Variants in USP10 observed in about 807,000 individuals in gnomAD.
The protein encoded by USP10 is ubiquitin specific peptidase 10, also known as ubiquitin carboxyl-terminal hydrolase 10.
Under a neutral mutation model 84.5 loss-of-function variants are expected in USP10, and 22 were observed. The ratio of observed to expected loss-of-function variants is 0.26; its 90% CI spans 0.19 to 0.37. The LOEUF (loss-of-function observed/expected upper bound fraction) is 0.37, where lower values mean the gene tolerates loss of function less well. Ranked by LOEUF, USP10 falls within the 10% of genes least tolerant of loss-of-function variation. USP10 has a pLI of 1.00. For synonymous variants in USP10, 454 were observed against 387.6 expected (o/e 1.17, Z -2.01); for missense variants, 1,019 against 998.9 (o/e 1.02, Z -0.27).
chr16:84,778,903 C>T lies in USP10; in HGVS notation c.2218C>T (p.His740Tyr). ...GCTGGGCTCTCTTCCAGTGGTCTAC[C>T]ATCACGGCAACAGTGCGACGGGCGG... is the stretch of plus-strand genomic sequence containing the variant. The part of the protein sequence containing the change: ...RTYRLFAVVY[H>Y]HGNSATGGHY... The change falls in exon 14 of 14, where the codon CAT becomes TAT. Residue 740 changes from histidine (H) to tyrosine (Y), a missense_variant. Transcript: ENST00000219473. The T allele has an allele frequency of 6.2e-7, 1 of 1,613,104 alleles. No homozygotes were observed.
At position 84,777,181 on chromosome 16, in the gene USP10, G is replaced by T. The variant is rs533520741; in HGVS notation, c.2210-1714G>T. On this transcript the variant is annotated intron_variant, in intron 13 of 13. Transcript: ENST00000219473. ...TTTTCAGGCGGTTCTCAGCGCTCCT[G>T]TCAGGGGGGCTTGCAGGTGTGAGTG... Among the ~76,000 whole-genome samples the T allele has an allele frequency of 3.3e-5, 5 of 152,332 alleles. No individual in the cohort carries two copies. In the East Asian group the frequency reaches 7.7e-4, roughly 23 times the overall value.
At chr16:84,742,090 T>C (rs1910693670) in intron 3 of USP10, among the ~76,000 whole-genome samples, 1 of 152,230 alleles carries the variant, frequency 6.6e-6, no homozygotes, top group African/African-American at 2.4e-5. Context: ...TATATTTTAA[T>C]TTTTGTAGGT....
intron 8 of USP10, 32 bp downstream of exon 8, chr16:84,760,307 A>G: frequency 6.4e-7 from 1 of 1,553,686 alleles, no homozygotes; most frequent in Non-Finnish European, 8.8e-7. Context: ...ACTAGTATCA[A>G]GTGTTGCCTT....
At chr16:84,762,918 A>G in intron 8 of USP10, 71 bp from the exon 9 acceptor site, 1 of 892,986 alleles carries the variant, frequency 1.1e-6, no homozygotes, top group Non-Finnish European at 1.7e-6. Flanking sequence ...GGACTTTGCA[A>G]GTACTGCATG....
chr16:84,700,237 C>G (rs1904661864), intron 1 of USP10, 126 bp downstream of exon 1: 1 of 790,700 alleles, frequency 1.3e-6, no homozygotes, highest in East Asian at 6.3e-5. Context: ...CGCTGGGACA[C>G]GCTGCCCGGG....
intron 1 of USP10, among the ~76,000 whole-genome samples, chr16:84,729,376 A>G (rs1908916740): frequency 6.6e-6 from 1 of 152,220 alleles, no homozygotes; most frequent in South Asian, 2.1e-4. Context: ...GATATCGATG[A>G]CTTGTCTTTT....
chr16:84,733,324 G>C, intron 1 of USP10, 111 bp from the exon 2 acceptor site: 1 of 795,822 alleles, frequency 1.3e-6, no homozygotes, highest in Admixed American at 2.4e-5. Flanking sequence ...AAAGGATCTT[G>C]GGGGTTATGG....
chr16:84,706,634 G>T (rs887873657), intron 1 of USP10, among the ~76,000 whole-genome samples: 2 of 151,436 alleles, frequency 1.3e-5, no homozygotes, highest in Non-Finnish European at 2.9e-5. Flanking sequence ...TCCGCCTCCC[G>T]GGTTCACGCC....
At chr16:84,733,189 T>C (rs1317535849) in intron 1 of USP10, 1 of 565,400 alleles carries the variant, frequency 1.8e-6, no homozygotes, top group African/African-American at 1.9e-5. Flanking sequence ...ACAAAATTGA[T>C]TTGTTTCAAA....
At chr16:84,756,812 A>C (rs918165588) in intron 4 of USP10, among the ~76,000 whole-genome samples, 2 of 152,238 alleles carry the variant, frequency 1.3e-5, no homozygotes, top group Admixed American at 1.3e-4. Context: ...TGTGGCACAC[A>C]CTAGAAATGA....
At chr16:84,742,362 A>G (rs1910721950) in intron 3 of USP10, among the ~76,000 whole-genome samples, 1 of 152,198 alleles carries the variant, frequency 6.6e-6, no homozygotes, top group South Asian at 2.1e-4. Context: ...AAAGCTATTC[A>G]CAGCTTTCTC....
chr16:84,773,484 T>G (rs1914661904), intron 12 of USP10, among the ~76,000 whole-genome samples: 1 of 152,114 alleles, frequency 6.6e-6, no homozygotes, highest in African/African-American at 2.4e-5. Context: ...ACTGTGGGCA[T>G]GGCTGGCTTC....
intron 12 of USP10, among the ~76,000 whole-genome samples, chr16:84,774,729 A>G (rs1914815759): frequency 6.6e-6 from 1 of 152,138 alleles, no homozygotes; most frequent in Non-Finnish European, 1.5e-5. Flanking sequence ...TCAGCCTCCC[A>G]AAGTGCTGGG....
intron 7 of USP10, 61 bp downstream of exon 7, chr16:84,760,007 T>G: frequency 6.3e-7 from 1 of 1,590,966 alleles, no homozygotes; most frequent in Middle Eastern, 1.7e-4. Flanking sequence ...GACAGATGAC[T>G]TAAATTTGGT....
Position 84,704,768 on chromosome 16 carries a change from G to T in USP10, c.21+4657G>T, listed in dbSNP as rs538027092. Reference sequence around the variant, plus strand: ...CTGGGCCATGATCCCATTTTCATCAGATGACTTGAGAACCCAGAAGCTCTA... The same window carrying T: ...CTGGGCCATGATCCCATTTTCATCATATGACTTGAGAACCCAGAAGCTCTA... On this transcript the variant is annotated intron_variant, in intron 1 of 13. Coordinates refer to ENST00000219473, the MANE Select transcript of USP10 (RefSeq NM_005153.3). The T allele has an allele frequency of 7.8e-5, 120 of 1,535,176 alleles. 1 individual carries two copies. In the South Asian group the frequency reaches 1.4e-3, roughly 18 times the overall value.
At chr16:84,700,806 G>A (rs6564067) in intron 1 of USP10, among the ~76,000 whole-genome samples, 121,196 of 151,976 alleles carry the variant, frequency 0.8, 48,461 homozygotes, top group East Asian at 0.89. Context: ...GCTAAAGCTT[G>A]GGGGCCCTTT....
chr16:84,725,524 C>G (rs1908344823), intron 1 of USP10, among the ~76,000 whole-genome samples: 1 of 152,168 alleles, frequency 6.6e-6, no homozygotes, highest in African/African-American at 2.4e-5. Flanking sequence ...CCTCAGCCTC[C>G]TGAGTAGCTG....
intron 1 of USP10, among the ~76,000 whole-genome samples, chr16:84,725,123 C>T (rs1017155671): frequency 3.3e-5 from 5 of 152,128 alleles, no homozygotes; most frequent in South Asian, 2.1e-4. Flanking sequence ...GCAGCTAACA[C>T]CGTAGTCCAT....
chr16:84,776,385 C>A (rs1243274085), intron 13 of USP10, among the ~76,000 whole-genome samples: 4 of 152,104 alleles, frequency 2.6e-5, no homozygotes, highest in African/African-American at 9.7e-5. Flanking sequence ...TCCCTCTCTT[C>A]CTCTCACTAT....
Sources: gnomAD v4.1 joint callset for allele counts (sites outside exome capture counted in the v4.1 genomes callset) on GRCh38, gnomAD v4.1.1 for gene constraint, MANE v1.5 for transcripts, NCBI Gene and HGNC (gene_info 2026-07-23, HGNC 2026-07-21) for gene names.